Variants in RIMKLB observed in about 807,000 individuals in gnomAD.
The protein encoded by RIMKLB is beta-citrylglutamate synthase B.
In RIMKLB, 7 loss-of-function variants were observed where a neutral mutation model predicts 32.0. That is an observed-to-expected ratio of 0.22 (90% CI 0.12 to 0.41). The LOEUF is 0.41. Among genes scored for constraint, RIMKLB ranks in the 10% least tolerant of loss-of-function variants. The probability of loss-of-function intolerance (pLI) is 1.00; values close to 1 mark genes in which losing one functional copy is unlikely to be tolerated. For synonymous variants in RIMKLB, 172 were observed against 185.1 expected (o/e 0.93, Z 0.57); for missense variants, 289 against 498.7 (o/e 0.58, Z 4.00).
At chr12:8,705,528 A>G (rs1370827483) in intron 1 of RIMKLB, among the ~76,000 whole-genome samples, 1 of 151,862 alleles carries the variant, frequency 6.6e-6, no homozygotes, top group African/African-American at 2.4e-5. Context: ...TTTAGAAGTT[A>G]GAATTAGCTT....
At chr12:8,777,845 T>C, downstream of RIMKLB, 1 of 342,566 alleles carries the variant, frequency 2.9e-6, no homozygotes, top group Middle Eastern at 4.5e-4. Flanking sequence ...CTAGGCTAAC[T>C]TTCTTTTTTT....
intron 3 of RIMKLB, among the ~76,000 whole-genome samples, chr12:8,750,837 T>C (rs950595894): frequency 3.3e-5 from 5 of 152,126 alleles, no homozygotes; most frequent in African/African-American, 1.2e-4. Context: ...ATTTTGCTAA[T>C]GTATTTCCTG....
chr12:8,751,670 A>G (rs1948629588), intron 3 of RIMKLB, among the ~76,000 whole-genome samples: 1 of 152,220 alleles, frequency 6.6e-6, no homozygotes, highest in Non-Finnish European at 1.5e-5. Context: ...GTGGGAGAAT[A>G]ATAAGGATAA....
chr12:8,719,777 A>T (rs752204811), intron 2 of RIMKLB, among the ~76,000 whole-genome samples: 25 of 152,346 alleles, frequency 1.6e-4, no homozygotes, highest in South Asian at 6.2e-4. Context: ...CAGCAAAAAG[A>T]TATATAGAAA....
At chr12:8,672,680 G>A in the RIMKLB span, among the ~76,000 whole-genome samples, 2 of 152,024 alleles carry the variant, frequency 1.3e-5, no homozygotes, top group Admixed American at 1.3e-4. Flanking sequence ...GCAATTGAAG[G>A]TGAGATTTGG....
intron 1 of RIMKLB, among the ~76,000 whole-genome samples, chr12:8,702,086 ACT>A (rs1306147315): frequency 2.0e-5 from 3 of 151,860 alleles, no homozygotes; most frequent in Non-Finnish European, 2.9e-5. Context: ...ATTTTTTGAT[ACT>A]CTCTTACAAT....
At chr12:8,727,179 A>G (rs995340175) in intron 2 of RIMKLB, among the ~76,000 whole-genome samples, 2 of 152,222 alleles carry the variant, frequency 1.3e-5, no homozygotes, top group African/African-American at 2.4e-5. Flanking sequence ...ACACACACAC[A>G]GAGTGATTAT....
chr12:8,746,501 G>C lies in RIMKLB; in HGVS notation c.176-3361G>C, dbSNP rs188472290. 3.8e-3 allele frequency among the ~76,000 whole-genome samples: 576 copies of C among 150,448 alleles called. 12 individuals carry two copies. Among genetic ancestry groups the C allele is most frequent in the African/African-American group, 0.014 (558 of 40,216 alleles). On this transcript the variant is annotated intron_variant, in intron 2 of 5. Transcript: ENST00000535829. ...TGGTCCCAGCTACTTAGGAGGCTGA[G>C]GCAGGAGAATTGCTTGAACCCAGGA...
intron 2 of RIMKLB, among the ~76,000 whole-genome samples, chr12:8,728,763 TTGTGTGTGTG>T (rs375795748): frequency 3.3e-5 from 5 of 149,492 alleles, no homozygotes; most frequent in Non-Finnish European, 7.4e-5. Context: ...GCTCTGCTAA[TTGTGTGTGTG>T]TGTGTGTGTG....
chr12:8,690,524 G>A (rs998463833), intron 1 of RIMKLB, among the ~76,000 whole-genome samples: 2 of 152,230 alleles, frequency 1.3e-5, no homozygotes, highest in Non-Finnish European at 2.9e-5. Context: ...TTAAGAGCAT[G>A]TACTTTGCTA....
chr12:8,781,101 G>A (rs1476421287), downstream of RIMKLB, among the ~76,000 whole-genome samples: 1 of 152,216 alleles, frequency 6.6e-6, no homozygotes, highest in African/African-American at 2.4e-5. Context: ...AACACTTTGG[G>A]AGACTGAGGA....
chr12:8,712,527 A>C (rs1420616311), intron 1 of RIMKLB, among the ~76,000 whole-genome samples: 1 of 152,256 alleles, frequency 6.6e-6, no homozygotes, highest in Non-Finnish European at 1.5e-5. Flanking sequence ...AAGCTGAGTT[A>C]CTACCATAAT....
chr12:8,695,251 C>T (rs1434985940), upstream of RIMKLB, among the ~76,000 whole-genome samples: 2 of 122,412 alleles, frequency 1.6e-5, no homozygotes, highest in African/African-American at 6.2e-5. Flanking sequence ...AATATTAATT[C>T]ACTGGTTAAA....
At chr12:8,717,838 C>T (rs1321517035) in intron 2 of RIMKLB, among the ~76,000 whole-genome samples, 1 of 152,132 alleles carries the variant, frequency 6.6e-6, no homozygotes, top group Non-Finnish European at 1.5e-5. Flanking sequence ...TTTTTATTGC[C>T]TAATCCTCCA....
downstream of RIMKLB, chr12:8,777,194 C>T: frequency 3.8e-6 from 3 of 792,480 alleles, no homozygotes; most frequent in Non-Finnish European, 4.5e-6. Flanking sequence ...TAACCAGGTT[C>T]ACTGACTGCT....
At chr12:8,781,566 T>C (rs1951045864), downstream of RIMKLB, among the ~76,000 whole-genome samples, 1 of 152,202 alleles carries the variant, frequency 6.6e-6, no homozygotes, top group African/African-American at 2.4e-5. Context: ...GCTGGGCTTT[T>C]CCCCTGTTCC....
intron 2 of RIMKLB, among the ~76,000 whole-genome samples, chr12:8,720,837 G>C (rs1195179744): frequency 6.6e-6 from 1 of 152,096 alleles, no homozygotes; most frequent in African/African-American, 2.4e-5. Flanking sequence ...ACCGCGCCTG[G>C]CCTACCCGTT....
At chr12:8,677,650 A>T (rs1380317562), upstream of RIMKLB, among the ~76,000 whole-genome samples, 1 of 152,174 alleles carries the variant, frequency 6.6e-6, no homozygotes, top group Non-Finnish European at 1.5e-5. Flanking sequence ...TATCCTTAGG[A>T]TGCGGACGAA....
intron 5 of RIMKLB, among the ~76,000 whole-genome samples, chr12:8,754,507 C>T (rs1484892439): frequency 6.6e-6 from 1 of 152,180 alleles, no homozygotes; most frequent in Admixed American, 6.5e-5. Context: ...TTTCTCAGAT[C>T]TCTTATTGTT....
Sources: gnomAD v4.1 joint callset for allele counts (sites outside exome capture counted in the v4.1 genomes callset) on GRCh38, gnomAD v4.1.1 for gene constraint, MANE v1.5 for transcripts, NCBI Gene and HGNC (gene_info 2026-07-23, HGNC 2026-07-21) for gene names.